Variants in SLC10A6 observed in about 807,000 individuals in gnomAD.
SLC10A6 encodes solute carrier family 10 member 6.
Under a neutral mutation model 30.0 loss-of-function variants are expected in SLC10A6, and 27 were observed. The observed-to-expected ratio is 0.90, with a 90% CI of 0.66 to 1.24. The LOEUF is 1.24. Among genes scored for constraint, SLC10A6 ranks in the 50% most tolerant of loss-of-function variants. The pLI, the probability that SLC10A6 is intolerant of heterozygous loss-of-function variation, is 0.00. For synonymous variants in SLC10A6, 166 were observed against 173.8 expected (o/e 0.95, Z 0.36); for missense variants, 439 against 457.0 (o/e 0.96, Z 0.36).
intron 1 of SLC10A6, among the ~76,000 whole-genome samples, chr4:86,843,327 T>C (rs1746340818): frequency 1.3e-5 from 2 of 152,058 alleles, no homozygotes; most frequent in African/African-American, 4.8e-5. Context: ...ATATAGTAGG[T>C]GAGGCAGACA....
chr4:86,831,785 C>A lies in SLC10A6; in HGVS notation c.585+7G>T. 1 of 1,610,338 alleles carries A rather than the reference C, an allele frequency of 6.2e-7. No homozygotes were observed. The highest frequency in any genetic ancestry group is 1.1e-5 in the South Asian group (1 of 90,418). ...GACGTGCCAACAGTGGCCATGAAGT[C>A]ACTCACCTTGAGAATGATTTTGGAT... On this transcript the variant is annotated splice_region_variant and intron_variant, in intron 3 of 5. Transcript: ENST00000273905.
chr4:86,827,921 C>T, intron 4 of SLC10A6, 72 bp downstream of exon 4: 1 of 1,412,088 alleles, frequency 7.1e-7, no homozygotes, highest in Non-Finnish European at 9.7e-7. Flanking sequence ...CTGACACAGG[C>T]AGCAAAGCCT....
At chr4:86,836,283 G>A (rs1031375214) in intron 1 of SLC10A6, among the ~76,000 whole-genome samples, 1 of 152,198 alleles carries the variant, frequency 6.6e-6, no homozygotes, top group Admixed American at 6.5e-5. Flanking sequence ...CTGTGACAGA[G>A]GGGGAAGAGT....
At chr4:86,848,176 G>C (rs1435649572) in intron 1 of SLC10A6, among the ~76,000 whole-genome samples, 1 of 152,134 alleles carries the variant, frequency 6.6e-6, no homozygotes, top group Non-Finnish European at 1.5e-5. Context: ...GAGAGCCTTC[G>C]CATTGCTCCT....
In SLC10A6 at chr4:86,823,832, G is replaced by A; in HGVS notation, c.990C>T (p.Cys330=). The change falls in exon 6 of 6, where the codon TGC becomes TGT. Residue 330 remains cysteine (C), a synonymous_variant. Transcript: ENST00000273905. ...GKKNSGCTEV[C]HTRKSTSSRE... Reference sequence around the variant, plus strand: ...TGGAAGAAGTCGATTTCCTCGTATGGCAGACTTCTGTGCAACCTGAGTTCT... The same window carrying A: ...TGGAAGAAGTCGATTTCCTCGTATGACAGACTTCTGTGCAACCTGAGTTCT... The A allele has an allele frequency of 6.2e-7, 1 of 1,614,076 alleles. No homozygotes were observed. Among genetic ancestry groups the A allele is most frequent in the Non-Finnish European group, 8.5e-7 (1 of 1,179,968 alleles).
At chr4:86,830,255 G>A (rs1746056476) in intron 3 of SLC10A6, among the ~76,000 whole-genome samples, 1 of 152,108 alleles carries the variant, frequency 6.6e-6, no homozygotes, top group African/African-American at 2.4e-5. Context: ...TTTATTAGCA[G>A]GGCAGGATGG....
chr4:86,836,878 C>T (rs1218356867), intron 1 of SLC10A6, among the ~76,000 whole-genome samples: 3 of 151,994 alleles, frequency 2.0e-5, no homozygotes, highest in African/African-American at 7.2e-5. Context: ...CTGCCTCAGC[C>T]TCCTGAGTAG....
chr4:86,848,107 C>A (rs932133286), intron 1 of SLC10A6, among the ~76,000 whole-genome samples: 7 of 152,256 alleles, frequency 4.6e-5, no homozygotes, highest in South Asian at 2.1e-4. Context: ...GGAAGGAATG[C>A]GAATCTAGTG....
At chr4:86,845,137 A>G (rs1180740158) in intron 1 of SLC10A6, among the ~76,000 whole-genome samples, 1 of 152,240 alleles carries the variant, frequency 6.6e-6, no homozygotes, top group African/African-American at 2.4e-5. Context: ...AGCCATGATC[A>G]GCCAAACTCG....
At chr4:86,824,188 C>T (rs1038158027) in intron 5 of SLC10A6, among the ~76,000 whole-genome samples, 1 of 138,742 alleles carries the variant, frequency 7.2e-6, no homozygotes, top group African/African-American at 2.5e-5. Context: ...CATTCATTCA[C>T]TCATTCAGCT....
intron 2 of SLC10A6, among the ~76,000 whole-genome samples, chr4:86,832,411 C>T (rs1331149079): frequency 6.6e-6 from 1 of 152,026 alleles, no homozygotes; most frequent in African/African-American, 2.4e-5. Flanking sequence ...TTGAGACCAG[C>T]CTGGGCAACA....
intron 1 of SLC10A6, among the ~76,000 whole-genome samples, chr4:86,837,239 G>A (rs866959976): frequency 3.8e-5 from 4 of 103,964 alleles, no homozygotes; most frequent in Non-Finnish European, 7.4e-5. Context: ...AAGAAAGAAA[G>A]AAAGAAAGAA....
At chr4:86,837,634 C>G in intron 1 of SLC10A6, 1 of 985,358 alleles carries the variant, frequency 1.0e-6, no homozygotes, top group Non-Finnish European at 1.2e-6. Flanking sequence ...ACTCCCAAAT[C>G]GCAAGTTAAG....
chr4:86,835,770 G>T (rs377551927), intron 1 of SLC10A6, among the ~76,000 whole-genome samples: 2 of 151,634 alleles, frequency 1.3e-5, no homozygotes, highest in Non-Finnish European at 2.9e-5. Flanking sequence ...AGAAAGAAAA[G>T]AAAAGAAAAG....
intron 4 of SLC10A6, among the ~76,000 whole-genome samples, chr4:86,826,992 T>A (rs549953836): frequency 6.6e-6 from 1 of 152,312 alleles, no homozygotes; most frequent in African/African-American, 2.4e-5. Flanking sequence ...TTTCTACTTA[T>A]TCTATTGCTT....
At chr4:86,833,923 AG>A (rs1746133826) in intron 1 of SLC10A6, among the ~76,000 whole-genome samples, 1 of 152,142 alleles carries the variant, frequency 6.6e-6, no homozygotes, top group African/African-American at 2.4e-5. Flanking sequence ...CCGTCTTTAT[AG>A]GATTACCTGT....
At chr4:86,832,151 C>T (rs1249975100) in intron 2 of SLC10A6, among the ~76,000 whole-genome samples, 1 of 152,112 alleles carries the variant, frequency 6.6e-6, no homozygotes, top group Non-Finnish European at 1.5e-5. Context: ...CACATAAAAT[C>T]ATGGTTTCTA....
intron 1 of SLC10A6, among the ~76,000 whole-genome samples, chr4:86,846,612 G>A (rs1158337854): frequency 1.3e-5 from 2 of 152,138 alleles, no homozygotes; most frequent in Non-Finnish European, 2.9e-5. Flanking sequence ...TGTATTCCCA[G>A]CTACTCAGGA....
intron 1 of SLC10A6, among the ~76,000 whole-genome samples, chr4:86,839,654 T>C (rs1002090650): frequency 6.6e-6 from 1 of 152,238 alleles, no homozygotes; most frequent in Non-Finnish European, 1.5e-5. Context: ...TTTAGTTTTT[T>C]GCCATTATAA....
Sources: allele counts gnomAD v4.1 joint callset (sites outside exome capture counted in the v4.1 genomes callset), GRCh38; gene constraint gnomAD v4.1.1; transcripts MANE v1.5; gene names NCBI Gene and HGNC (gene_info 2026-07-23, HGNC 2026-07-21).